ADAMTSL3: variants seen among roughly 807,000 people sequenced by gnomAD.
ADAMTSL3 encodes the protein ADAMTS like 3.
ADAMTSL3 carries 128 observed loss-of-function variants against 201.7 expected under a neutral mutation model. The observed-to-expected ratio is 0.63, with a 90% CI of 0.55 to 0.73. The LOEUF (loss-of-function observed/expected upper bound fraction) is 0.73. ADAMTSL3 is among the 30% of genes least tolerant of loss of function. The pLI, the probability that ADAMTSL3 is intolerant of heterozygous loss-of-function variation, is 0.00. For missense variants in ADAMTSL3, 1,990 were observed against 2,119.6 expected (o/e 0.94, Z 1.20); for synonymous variants, 738 against 748.4 (o/e 0.99, Z 0.23).
At chr15:83,933,897 A>G (rs776447787) in intron 17 of ADAMTSL3, among the ~76,000 whole-genome samples, 2 of 152,218 alleles carry the variant, frequency 1.3e-5, no homozygotes, top group Non-Finnish European at 2.9e-5. Context: ...CACAGAAGCA[A>G]AAATCGAGGT....
intron 16 of ADAMTSL3, among the ~76,000 whole-genome samples, chr15:83,920,350 CAGTGGTTTATGATGCCCT>C (rs989366402): frequency 1.8e-4 from 28 of 152,306 alleles, no homozygotes; most frequent in African/African-American, 6.7e-4. Flanking sequence ...GCTCAGGCTC[CAGTGGTTTATGATGCCCT>C]TCCTAAGGCC....
chr15:83,885,358 C>T (rs1158806445), intron 10 of ADAMTSL3, 146 bp downstream of exon 10: 7 of 663,628 alleles, frequency 1.1e-5, no homozygotes, highest in South Asian at 3.6e-5. Context: ...TGAATGCAAT[C>T]GTGTTAATGA....
intron 15 of ADAMTSL3, among the ~76,000 whole-genome samples, chr15:83,902,825 G>T (rs2065752937): frequency 6.6e-6 from 1 of 152,090 alleles, no homozygotes; most frequent in African/African-American, 2.4e-5. Flanking sequence ...ATTGGGAGTG[G>T]CCCCACCTGT....
At chr15:83,791,468 A>G (rs2063343853) in intron 4 of ADAMTSL3, among the ~76,000 whole-genome samples, 1 of 152,226 alleles carries the variant, frequency 6.6e-6, no homozygotes, top group Non-Finnish European at 1.5e-5. Context: ...AAAGGTGTCA[A>G]GAACACAGGG....
At chr15:83,900,094 C>A (rs192340590) in intron 15 of ADAMTSL3, among the ~76,000 whole-genome samples, 158 of 152,308 alleles carry the variant, frequency 1.0e-3, no homozygotes, top group Middle Eastern at 3.4e-3. Context: ...CATGGTCAAT[C>A]TCTATAAAAT....
At chr15:83,776,483 C>T (rs543620617) in intron 4 of ADAMTSL3, among the ~76,000 whole-genome samples, 3 of 152,256 alleles carry the variant, frequency 2.0e-5, no homozygotes, top group East Asian at 1.9e-4. Context: ...TTTGGGAGGC[C>T]GAGGCGGGTG....
chr15:83,886,493 T>C (rs2065393790), intron 10 of ADAMTSL3, among the ~76,000 whole-genome samples: 1 of 152,182 alleles, frequency 6.6e-6, no homozygotes, highest in Non-Finnish European at 1.5e-5. Flanking sequence ...TAGTAAACAG[T>C]GCAGCTAGGA....
At chr15:83,950,780 A>G (rs1876456241) in intron 19 of ADAMTSL3, among the ~76,000 whole-genome samples, 1 of 151,314 alleles carries the variant, frequency 6.6e-6, no homozygotes, top group Non-Finnish European at 1.5e-5. Context: ...AAATGGGACT[A>G]CTTTCTTGAT....
At chr15:83,843,587 A>G (rs1004571973) in intron 7 of ADAMTSL3, among the ~76,000 whole-genome samples, 1 of 152,162 alleles carries the variant, frequency 6.6e-6, no homozygotes, top group African/African-American at 2.4e-5. Flanking sequence ...AAATGTAGGA[A>G]ATGAAGCCAT....
intron 6 of ADAMTSL3, among the ~76,000 whole-genome samples, chr15:83,833,251 A>G (rs767182247): frequency 2.6e-5 from 4 of 152,034 alleles, no homozygotes; most frequent in Non-Finnish European, 5.9e-5. Context: ...ACAGAAATTT[A>G]TTTTTTACAG....
At position 83,747,194 on chromosome 15, in the gene ADAMTSL3, CT is replaced by C. The variant is rs755112776; in HGVS notation, c.190-26328del. ...TGGGCTGCCCTCTTGCTGCAAGTGT[CT>C]GAAATCCTAGTTAGCTGAGAGCCAG... On this transcript the variant is annotated intron_variant, in intron 3 of 29. Transcript: ENST00000286744. 6.0e-4 allele frequency among the ~76,000 whole-genome samples: 92 copies of C among 152,288 alleles called. 1 individual carries two copies. The highest frequency in any genetic ancestry group is 1.1e-3 in the Non-Finnish European group (78 of 68,022).
At chr15:83,840,244 A>G (rs2064348136) in intron 7 of ADAMTSL3, among the ~76,000 whole-genome samples, 1 of 152,190 alleles carries the variant, frequency 6.6e-6, no homozygotes, top group Admixed American at 6.5e-5. Flanking sequence ...GGAATAAGTA[A>G]TTTCAAAAAT....
At chr15:83,657,222 G>GT (rs34875815) in intron 2 of ADAMTSL3, among the ~76,000 whole-genome samples, 129,675 of 152,192 alleles carry the variant, frequency 0.85, 55,723 homozygotes, top group East Asian at 0.96. Context: ...AAGGCACAGT[G>GT]TTCATTTTGC....
At chr15:83,868,463 C>T (rs778858781) in intron 8 of ADAMTSL3, among the ~76,000 whole-genome samples, 3 of 152,270 alleles carry the variant, frequency 2.0e-5, no homozygotes, top group South Asian at 2.1e-4. Context: ...AGAACTGCAT[C>T]GGCCTCCACC....
rs1567226227 is a variant in ADAMTSL3, at chr15:83,903,969, A to AAGGAAGGAAGGAAGGAGGG, written c.1700+4239_1700+4240insGGAAGGAAGGAAGGAGGGA. Among the ~76,000 whole-genome samples, 4 of 89,674 alleles carry AAGGAAGGAAGGAAGGAGGG rather than the reference A, an allele frequency of 4.5e-5. 2 individuals are homozygous for AAGGAAGGAAGGAAGGAGGG. In the Admixed American group the frequency reaches 5.1e-4, roughly 11 times the overall value. The allele number at this position is 89,674 out of a possible 152,430, so 58.8% of individuals were successfully genotyped here. A position where few individuals can be genotyped will look rare whatever the true frequency, so the allele number is the denominator to read the frequency against. On this transcript the variant is annotated intron_variant, in intron 15 of 29. Transcript: ENST00000286744. The stretch of plus-strand genomic sequence containing the variant: ...AGAAAAAAGAAAGAAAGAAAGAAAG[A>AAGGAAGGAAGGAAGGAGGG]AAAGGAGCTACAGTGAGGTTCAGGC...
At chr15:83,677,762 C>T (rs1426208764) in intron 2 of ADAMTSL3, among the ~76,000 whole-genome samples, 1 of 151,862 alleles carries the variant, frequency 6.6e-6, no homozygotes, top group Non-Finnish European at 1.5e-5. Flanking sequence ...TGTAATTTGA[C>T]TATTTACATG....
chr15:83,819,043 C>T (rs1232822143), intron 5 of ADAMTSL3, among the ~76,000 whole-genome samples: 3 of 152,102 alleles, frequency 2.0e-5, no homozygotes, highest in Non-Finnish European at 4.4e-5. Context: ...GAGGCCGACA[C>T]AGGTGGATCA....
chr15:84,012,241 G>T (rs2068018998), intron 23 of ADAMTSL3, among the ~76,000 whole-genome samples: 1 of 152,116 alleles, frequency 6.6e-6, no homozygotes, highest in African/African-American at 2.4e-5. Flanking sequence ...GTTACACTTA[G>T]AGTATCTAAG....
intron 3 of ADAMTSL3, among the ~76,000 whole-genome samples, chr15:83,733,654 C>A (rs1343624493): frequency 6.6e-6 from 1 of 152,066 alleles, no homozygotes; most frequent in Non-Finnish European, 1.5e-5. Flanking sequence ...ACCGTACTTG[C>A]TAATCTTTGA....
Sources: allele counts gnomAD v4.1 joint callset (sites outside exome capture counted in the v4.1 genomes callset), GRCh38; gene constraint gnomAD v4.1.1; transcripts MANE v1.5; gene names NCBI Gene and HGNC (gene_info 2026-07-23, HGNC 2026-07-21).